Variants in RGS7BP observed in about 807,000 individuals in gnomAD.
RGS7BP encodes the protein regulator of G protein signaling 7 binding protein.
In RGS7BP, 9 loss-of-function variants were observed where a neutral mutation model predicts 31.3. That is an observed-to-expected ratio of 0.29 (90% CI 0.17 to 0.50). The LOEUF is 0.50. Among genes scored for constraint, RGS7BP ranks in the 20% least tolerant of loss-of-function variants. The probability of loss-of-function intolerance (pLI) is 0.98; values close to 1 mark genes in which losing one functional copy is unlikely to be tolerated. For synonymous variants in RGS7BP, 115 were observed against 120.1 expected (o/e 0.96, Z 0.28); for missense variants, 274 against 322.0 (o/e 0.85, Z 1.14).
intron 2 of RGS7BP, among the ~76,000 whole-genome samples, chr5:64,542,108 T>C (rs1241792763): frequency 6.6e-6 from 1 of 152,264 alleles, no homozygotes; most frequent in Admixed American, 6.5e-5. Flanking sequence ...TTTGCCATCT[T>C]CTTATTCCTT....
chr5:64,599,892 G>T (rs1743175205), intron 5 of RGS7BP, among the ~76,000 whole-genome samples: 1 of 152,220 alleles, frequency 6.6e-6, no homozygotes, highest in African/African-American at 2.4e-5. Flanking sequence ...GAAGTCTGTT[G>T]TGGGGATTAA....
intron 2 of RGS7BP, among the ~76,000 whole-genome samples, chr5:64,535,056 G>A (rs272634): frequency 0.28 from 41,958 of 151,938 alleles, 6,041 homozygotes; most frequent in South Asian, 0.38. Flanking sequence ...GAAATGTCCA[G>A]TAAGATAAGG....
At chr5:64,545,211 C>A (rs1265842813) in intron 2 of RGS7BP, among the ~76,000 whole-genome samples, 8 of 148,824 alleles carry the variant, frequency 5.4e-5, no homozygotes, top group African/African-American at 2.0e-4. Context: ...AGGAATTGAA[C>A]AATGAGAACA....
In RGS7BP at chr5:64,586,231, A is replaced by T. The variant is rs115642557; in HGVS notation, c.464-8479A>T. Among the ~76,000 whole-genome samples the T allele has an allele frequency of 3.4e-3, 509 of 151,762 alleles. 4 individuals are homozygous for T. The highest frequency in any genetic ancestry group is 0.012 in the African/African-American group (494 of 41,376). ...TTTCCAGGTTTGGATGGCTCTGCTG[A>T]CTCCTTAACGTGGCTCAGAAGAATA... On this transcript the variant is annotated intron_variant, in intron 3 of 5. Coordinates refer to ENST00000334025, the MANE Select transcript of RGS7BP (RefSeq NM_001029875.3).
intron 4 of RGS7BP, among the ~76,000 whole-genome samples, chr5:64,597,722 G>A (rs139317676): frequency 1.7e-3 from 255 of 151,864 alleles, no homozygotes; most frequent in African/African-American, 5.9e-3. Context: ...CATGGGGTGT[G>A]GAATGATAGA....
Position 64,506,419 on chromosome 5 carries a change from G to A in RGS7BP, c.-206G>A. The A allele has an allele frequency of 2.4e-6, 1 of 424,808 alleles. No individual in the cohort carries two copies. Among genetic ancestry groups the A allele is most frequent in the Non-Finnish European group, 4.1e-6 (1 of 241,078 alleles). 26.3% of individuals were successfully genotyped at this position (424,808 alleles called of 1,614,324 possible). ...TCGCGCTCCTTCCTCGCTGCTAGTG[G>A]AAGCGATGCTGCACGGCACAGCTAG... On this transcript the variant is annotated 5_prime_UTR_variant, in exon 1 of 6. Transcript: ENST00000334025. The surrounding 1 kb of genome is among the most constrained non-coding windows in gnomAD (Gnocchi z 4.6).
chr5:64,569,919 A>G (rs144807298), intron 2 of RGS7BP, among the ~76,000 whole-genome samples: 298 of 152,312 alleles, frequency 2.0e-3, no homozygotes, highest in Admixed American at 5.6e-3. Context: ...GCCACTTGGC[A>G]TAATAGCCAA....
intron 5 of RGS7BP, among the ~76,000 whole-genome samples, chr5:64,605,141 C>T (rs1309850466): frequency 6.6e-6 from 1 of 151,734 alleles, no homozygotes; most frequent in Non-Finnish European, 1.5e-5. Context: ...ACTTACTCTG[C>T]TTCCCTTTCC....
At chr5:64,555,855 G>A (rs1482128931) in intron 2 of RGS7BP, among the ~76,000 whole-genome samples, 1 of 152,116 alleles carries the variant, frequency 6.6e-6, no homozygotes, top group African/African-American at 2.4e-5. Flanking sequence ...AAACATTGAA[G>A]TTTAAATTTA....
intron 1 of RGS7BP, among the ~76,000 whole-genome samples, chr5:64,507,171 G>C (rs76271123): frequency 5.3e-4 from 80 of 152,334 alleles, no homozygotes; most frequent in Non-Finnish European, 1.0e-3. Flanking sequence ...TACAGCGCAC[G>C]GGGCGCTGCG....
In RGS7BP at chr5:64,611,817, CA is replaced by C. The variant is rs1743511250; in HGVS notation, c.*2566del. On this transcript the variant is annotated 3_prime_UTR_variant, in exon 6 of 6. Transcript: ENST00000334025. Reference sequence around the variant, plus strand: ...CCGTCTCACATTAGACAGGCCAATGCATCCCTTAGGAGCTGCCCCACTCTCC... The same window carrying C: ...CCGTCTCACATTAGACAGGCCAATGCTCCCTTAGGAGCTGCCCCACTCTCC... 1 of 152,016 alleles carries C rather than the reference CA, an allele frequency of 6.6e-6. No homozygotes were observed. Among genetic ancestry groups the C allele is most frequent in the Non-Finnish European group, 1.5e-5 (1 of 67,888 alleles). The allele number at this position is 152,016 out of a possible 1,614,324, so 9.4% of individuals were successfully genotyped here.
At chr5:64,520,052 G>A (rs914176519) in intron 2 of RGS7BP, among the ~76,000 whole-genome samples, 11 of 152,182 alleles carry the variant, frequency 7.2e-5, no homozygotes, top group Admixed American at 3.3e-4. Flanking sequence ...AGCTCACTTG[G>A]AAACTTTCTA....
At chr5:64,564,780 G>A (rs762633072) in intron 2 of RGS7BP, among the ~76,000 whole-genome samples, 2 of 151,988 alleles carry the variant, frequency 1.3e-5, no homozygotes, top group African/African-American at 2.4e-5. Context: ...CAGAAGCCAC[G>A]CTGATACAGT....
At chr5:64,556,417 CCACA>C (rs10624566) in intron 2 of RGS7BP, among the ~76,000 whole-genome samples, 6,179 of 125,356 alleles carry the variant, frequency 0.049, 174 homozygotes, top group African/African-American at 0.064. Context: ...TCTTCCCCAG[CCACA>C]CACACACACA....
chr5:64,518,063 T>A (rs1749019224), intron 2 of RGS7BP, among the ~76,000 whole-genome samples: 1 of 152,178 alleles, frequency 6.6e-6, no homozygotes, highest in Non-Finnish European at 1.5e-5. Context: ...AACTGCAACA[T>A]GATCTATGGT....
intron 2 of RGS7BP, among the ~76,000 whole-genome samples, chr5:64,513,769 C>A (rs371947656): frequency 6.6e-6 from 1 of 152,192 alleles, no homozygotes; most frequent in East Asian, 1.9e-4. Context: ...CTTTTCTTTT[C>A]TCTTCCTATT....
At chr5:64,602,555 G>A (rs953379828) in intron 5 of RGS7BP, among the ~76,000 whole-genome samples, 12 of 152,142 alleles carry the variant, frequency 7.9e-5, no homozygotes, top group Non-Finnish European at 1.5e-5. Flanking sequence ...TCTGTGCTAG[G>A]TGCTGAGGAG....
intron 3 of RGS7BP, among the ~76,000 whole-genome samples, chr5:64,594,245 G>C (rs9291815): frequency 0.039 from 5,867 of 152,232 alleles, 384 homozygotes; most frequent in African/African-American, 0.13. Flanking sequence ...TGCATGCTGA[G>C]AGGGCCAGTG....
In RGS7BP at chr5:64,609,298, C is replaced by G; in HGVS notation, c.*46C>G. The G allele has an allele frequency of 8.7e-7, 1 of 1,145,982 alleles. No individual in the cohort carries two copies. The highest frequency in any genetic ancestry group is 1.2e-5 in the South Asian group (1 of 81,736). 71.0% of individuals were successfully genotyped at this position (1,145,982 alleles called of 1,614,324 possible). On this transcript the variant is annotated 3_prime_UTR_variant, in exon 6 of 6. Transcript: ENST00000334025. ...ACTGAGAACATCTGAAAAAAAATCA[C>G]AAAACCCGAGGACCTCCAGACAGCT... is the stretch of plus-strand genomic sequence containing the variant.
Sources: gnomAD v4.1 joint callset for allele counts (sites outside exome capture counted in the v4.1 genomes callset) on GRCh38, gnomAD v4.1.1 for gene constraint, Gnocchi (gnomAD v3.1) non-coding constraint, MANE v1.5 for transcripts, NCBI Gene and HGNC (gene_info 2026-07-23, HGNC 2026-07-21) for gene names.